The following CAMK1D variants were observed in gnomAD, a reference collection of about 807,000 sequenced individuals.
The protein encoded by CAMK1D is calcium/calmodulin dependent protein kinase ID, also known as calcium/calmodulin-dependent protein kinase type 1D.
A neutral mutation model predicts 47.7 loss-of-function variants in CAMK1D; 9 were observed. That is an observed-to-expected ratio of 0.19 (90% CI 0.11 to 0.33). The LOEUF is 0.33. CAMK1D is among the 10% of genes least tolerant of loss of function. The pLI is 1.00. For synonymous variants in CAMK1D, 184 were observed against 184.9 expected, an observed-to-expected ratio of 0.99 and a Z score of 0.04; for missense variants, 291 against 488.7, an observed-to-expected ratio of 0.60 and a Z score of 3.81.
At chr10:12,784,133 C>T (rs1837616332) in intron 5 of CAMK1D, among the ~76,000 whole-genome samples, 2 of 151,834 alleles carry the variant, frequency 1.3e-5, no homozygotes, top group Admixed American at 1.3e-4. Flanking sequence ...GATCGTGTAA[C>T]AAAGTATTTC....
intron 6 of CAMK1D, among the ~76,000 whole-genome samples, chr10:12,812,330 C>G (rs574408975): frequency 2.7e-4 from 41 of 152,298 alleles, no homozygotes; most frequent in African/African-American, 8.2e-4. Context: ...GAGCTCCCAC[C>G]ATGGGCCGGG....
chr10:12,828,922 G>A lies in CAMK1D; in HGVS notation c.*35G>A, dbSNP rs774134371. Reference sequence around the variant, plus strand: ...GAGGTGGGGCCCGGGGTCGGGGCTGGGGAAGGGGAGCCCCAGGGTCGCCAG... The same window carrying A: ...GAGGTGGGGCCCGGGGTCGGGGCTGAGGAAGGGGAGCCCCAGGGTCGCCAG... On this transcript the variant is annotated 3_prime_UTR_variant, in exon 11 of 11. Transcript: ENST00000619168. 8 of 1,491,864 alleles carry A rather than the reference G, an allele frequency of 5.4e-6. No homozygotes were observed. The South Asian group carries it at 8.5e-5, about 16-fold the overall frequency. 92.4% of individuals were successfully genotyped at this position (1,491,864 alleles called of 1,614,324 possible).
At chr10:12,766,228 G>T (rs949512942) in intron 4 of CAMK1D, among the ~76,000 whole-genome samples, 38 of 152,112 alleles carry the variant, frequency 2.5e-4, no homozygotes, top group African/African-American at 8.9e-4. Context: ...GCCTCCCAAA[G>T]TCCAAAGTGC....
At chr10:12,747,953 G>A (rs569472133) in intron 3 of CAMK1D, among the ~76,000 whole-genome samples, 1 of 152,166 alleles carries the variant, frequency 6.6e-6, no homozygotes, top group Non-Finnish European at 1.5e-5. Context: ...TTTGTCTACC[G>A]GTTTAAATGT....
intron 1 of CAMK1D, among the ~76,000 whole-genome samples, chr10:12,520,657 G>A (rs1263987955): frequency 4.1e-5 from 2 of 49,090 alleles, no homozygotes; most frequent in Admixed American, 2.1e-4. Flanking sequence ...CTGAGTGAAC[G>A]AGACTCCGTC....
intron 1 of CAMK1D, among the ~76,000 whole-genome samples, chr10:12,407,510 G>C (rs994935996): frequency 6.6e-6 from 1 of 152,062 alleles, no homozygotes; most frequent in African/African-American, 2.4e-5. Flanking sequence ...CTGACTCTAG[G>C]TCCCTTCTCT....
At chr10:12,616,046 C>T in intron 2 of CAMK1D, among the ~76,000 whole-genome samples, 1 of 149,956 alleles carries the variant, frequency 6.7e-6, no homozygotes, top group African/African-American at 2.5e-5. Flanking sequence ...TGTGTGAGTG[C>T]ACGTGTTGGT....
intron 1 of CAMK1D, among the ~76,000 whole-genome samples, chr10:12,423,242 A>T (rs1287449793): frequency 6.6e-6 from 1 of 150,638 alleles, no homozygotes; most frequent in Non-Finnish European, 1.5e-5. Flanking sequence ...GGCCAGGTGC[A>T]GTGGCTCACG....
At chr10:12,395,984 C>T (rs1188934324) in intron 1 of CAMK1D, among the ~76,000 whole-genome samples, 2 of 151,848 alleles carry the variant, frequency 1.3e-5, no homozygotes, top group African/African-American at 2.4e-5. Context: ...AGCGATTCTC[C>T]TGCCTCAGCC....
intron 2 of CAMK1D, among the ~76,000 whole-genome samples, chr10:12,663,839 T>C (rs894350188): frequency 3.2e-4 from 49 of 152,170 alleles, no homozygotes; most frequent in African/African-American, 1.2e-3. Flanking sequence ...AAAATAATGT[T>C]AAAACTTTAC....
chr10:12,699,985 A>G (rs1833447533), intron 3 of CAMK1D, among the ~76,000 whole-genome samples: 1 of 150,336 alleles, frequency 6.7e-6, no homozygotes, highest in South Asian at 2.1e-4. Context: ...GCTAGTACAC[A>G]TTTATTTTGG....
At chr10:12,422,170 G>A (rs1840075609) in intron 1 of CAMK1D, among the ~76,000 whole-genome samples, 1 of 152,138 alleles carries the variant, frequency 6.6e-6, no homozygotes, top group South Asian at 2.1e-4. Context: ...TTCCCTTGGG[G>A]GCAGGTATTC....
chr10:12,553,558 A>T (rs528940494), intron 2 of CAMK1D, among the ~76,000 whole-genome samples: 26 of 152,330 alleles, frequency 1.7e-4, no homozygotes, highest in Admixed American at 1.5e-3. Flanking sequence ...GGTTGGGAGT[A>T]GTTCTCAATT....
At position 12,570,693 on chromosome 10, in the gene CAMK1D, A is replaced by G. The variant is rs867118767; in HGVS notation, c.224+17337A>G. 7.2e-5 allele frequency among the ~76,000 whole-genome samples: 11 copies of G among 151,818 alleles called. No homozygotes were observed. In the South Asian group the frequency reaches 1.5e-3, roughly 20 times the overall value. On this transcript the variant is annotated intron_variant, in intron 2 of 10. Transcript: ENST00000619168. ...GAAACTCCATCTCAAAAAAAAAAAA[A>G]AAAAAAATCCATGAGGACAGCAGCA... is the stretch of plus-strand genomic sequence containing the variant.
chr10:12,486,038 G>C (rs1264200483), intron 1 of CAMK1D, among the ~76,000 whole-genome samples: 1 of 152,122 alleles, frequency 6.6e-6, no homozygotes, highest in Non-Finnish European at 1.5e-5. Context: ...GCTTGTTGAC[G>C]TACGCTACAG....
chr10:12,653,321 G>A (rs1456054413), intron 2 of CAMK1D: 1 of 152,624 alleles, frequency 6.6e-6, no homozygotes, highest in South Asian at 2.1e-4. Context: ...ATTTCAGTGT[G>A]AGTTTTGGAG....
chr10:12,690,880 C>T (rs1243636993), intron 3 of CAMK1D, among the ~76,000 whole-genome samples: 1 of 152,056 alleles, frequency 6.6e-6, no homozygotes, highest in Non-Finnish European at 1.5e-5. Flanking sequence ...GAAAAGAAAG[C>T]CTTGTGGCAC....
chr10:12,409,133 A>G (rs1839561802), intron 1 of CAMK1D, among the ~76,000 whole-genome samples: 2 of 152,110 alleles, frequency 1.3e-5, no homozygotes, highest in South Asian at 4.2e-4. Context: ...CTGGTATTAC[A>G]GGCGTGAGCC....
chr10:12,585,310 C>T (rs552679663), intron 2 of CAMK1D, among the ~76,000 whole-genome samples: 9 of 152,288 alleles, frequency 5.9e-5, no homozygotes, highest in South Asian at 4.1e-4. Flanking sequence ...TCAGTGATGC[C>T]GGGCCTACTG....
Sources: gnomAD v4.1 joint callset for allele counts (sites outside exome capture counted in the v4.1 genomes callset) on GRCh38, gnomAD v4.1.1 for gene constraint, MANE v1.5 for transcripts, NCBI Gene and HGNC (gene_info 2026-07-23, HGNC 2026-07-21) for gene names.